TOGARAM2: variants seen among roughly 807,000 people sequenced by gnomAD.
The protein encoded by TOGARAM2 is TOG array regulator of axonemal microtubules protein 2.
In TOGARAM2, 85 loss-of-function variants were observed where a neutral mutation model predicts 93.3. The observed-to-expected ratio is 0.91, with a 90% CI of 0.76 to 1.09. The LOEUF is 1.09. Ranked by LOEUF, TOGARAM2 falls within the 50% of genes least tolerant of loss-of-function variation. The pLI, the probability that TOGARAM2 is intolerant of heterozygous loss-of-function variation, is 0.00. For missense variants in TOGARAM2, 1,277 were observed against 1,334.5 expected (o/e 0.96, Z 0.67); for synonymous variants, 593 against 552.8 (o/e 1.07, Z -1.02).
At chr2:29,015,448 C>G (rs777317342) in intron 8 of TOGARAM2, among the ~76,000 whole-genome samples, 2 of 152,220 alleles carry the variant, frequency 1.3e-5, no homozygotes, top group African/African-American at 4.8e-5. Flanking sequence ...AACACTTGTT[C>G]CCTCTCTGGC....
intron 1 of TOGARAM2, among the ~76,000 whole-genome samples, chr2:28,992,314 G>A (rs573051673): frequency 1.3e-5 from 2 of 152,252 alleles, no homozygotes; most frequent in Admixed American, 6.5e-5. Context: ...CCTCTTGGGC[G>A]GGCACCTAGG....
At chr2:29,044,498 C>T (rs1402039233) in intron 18 of TOGARAM2, among the ~76,000 whole-genome samples, 4 of 152,086 alleles carry the variant, frequency 2.6e-5, no homozygotes, top group Non-Finnish European at 4.4e-5. Flanking sequence ...CCTGGGTTCC[C>T]GGGACTCGGG....
intron 18 of TOGARAM2, among the ~76,000 whole-genome samples, chr2:29,037,644 C>T (rs1666199886): frequency 1.3e-5 from 2 of 152,034 alleles, no homozygotes; most frequent in African/African-American, 4.8e-5. Context: ...GGCACCGTGT[C>T]CTTGGCTGGA....
chr2:28,984,034 C>T (rs1362875702), intron 1 of TOGARAM2, among the ~76,000 whole-genome samples: 2 of 151,914 alleles, frequency 1.3e-5, no homozygotes, highest in East Asian at 3.9e-4. Context: ...TCTCTGCCCT[C>T]CCCACTCCTC....
At chr2:29,022,490 G>T (rs969492579) in intron 11 of TOGARAM2, among the ~76,000 whole-genome samples, 182 bp downstream of exon 11, 1 of 152,206 alleles carries the variant, frequency 6.6e-6, no homozygotes, top group Non-Finnish European at 1.5e-5. Flanking sequence ...GTGCGTGTGT[G>T]CATGAGTGTG....
chr2:28,999,552 G>C (rs758179597), intron 4 of TOGARAM2, 84 bp downstream of exon 4: 2 of 1,440,934 alleles, frequency 1.4e-6, no homozygotes, highest in South Asian at 1.5e-5. Flanking sequence ...GGGTCAGCAG[G>C]CTTCCAGGTG....
At chr2:28,964,123 A>T (rs1476283361) in intron 1 of TOGARAM2, among the ~76,000 whole-genome samples, 1 of 152,206 alleles carries the variant, frequency 6.6e-6, no homozygotes, top group Non-Finnish European at 1.5e-5. Context: ...TACTTCTCCC[A>T]TTAATTACTG....
chr2:29,007,419 C>T (rs1011001993), intron 6 of TOGARAM2, among the ~76,000 whole-genome samples: 1 of 152,068 alleles, frequency 6.6e-6, no homozygotes, highest in Non-Finnish European at 1.5e-5. Flanking sequence ...CATCTTTGAC[C>T]CTTGCTCCTA....
intron 17 of TOGARAM2, among the ~76,000 whole-genome samples, chr2:29,036,055 C>T (rs1165448927): frequency 6.6e-6 from 1 of 151,984 alleles, no homozygotes; most frequent in Non-Finnish European, 1.5e-5. Context: ...AGGCTGAACA[C>T]TCAGGTGGGT....
At chr2:29,026,279 G>A (rs1376725040) in intron 13 of TOGARAM2, among the ~76,000 whole-genome samples, 5 of 152,100 alleles carry the variant, frequency 3.3e-5, no homozygotes, top group Non-Finnish European at 7.4e-5. Flanking sequence ...CGTCATTATG[G>A]ATACAGCAGT....
At chr2:29,025,350 A>G (rs1036708999) in intron 13 of TOGARAM2, among the ~76,000 whole-genome samples, 1 of 152,124 alleles carries the variant, frequency 6.6e-6, no homozygotes, top group Non-Finnish European at 1.5e-5. Context: ...ACATTCACTG[A>G]GTGCTTACTG....
At chr2:29,004,364 A>G (rs1424170786) in intron 6 of TOGARAM2, among the ~76,000 whole-genome samples, 1 of 152,248 alleles carries the variant, frequency 6.6e-6, no homozygotes, top group Non-Finnish European at 1.5e-5. Context: ...GATGGATACT[A>G]AAAATACAAC....
chr2:28,989,132 C>T (rs1387281576), intron 1 of TOGARAM2, among the ~76,000 whole-genome samples: 1 of 152,190 alleles, frequency 6.6e-6, no homozygotes, highest in Non-Finnish European at 1.5e-5. Context: ...TCACTGCAAC[C>T]TCTGCCTCCC....
intron 18 of TOGARAM2, among the ~76,000 whole-genome samples, chr2:29,043,946 G>C (rs1666586926): frequency 1.3e-5 from 2 of 152,214 alleles, no homozygotes; most frequent in South Asian, 4.1e-4. Context: ...TGCTGCAGTC[G>C]ACTTCGGGAA....
intron 1 of TOGARAM2, among the ~76,000 whole-genome samples, chr2:28,986,981 T>A (rs1473422744): frequency 6.6e-6 from 1 of 152,202 alleles, no homozygotes; most frequent in East Asian, 1.9e-4. Flanking sequence ...TGATGGAATT[T>A]AACCCTGTTG....
upstream of TOGARAM2, among the ~76,000 whole-genome samples, chr2:28,976,704 C>T (rs117347845): frequency 1.3e-5 from 2 of 152,338 alleles, no homozygotes; most frequent in East Asian, 3.9e-4. Flanking sequence ...CCATCATCTG[C>T]GATAAGAGGG....
intron 6 of TOGARAM2, among the ~76,000 whole-genome samples, chr2:29,009,024 T>A (rs56412352): frequency 0.075 from 11,479 of 152,322 alleles, 514 homozygotes; most frequent in African/African-American, 0.12. Context: ...CTAAAAGCTG[T>A]TAAGCACCTA....
In TOGARAM2 at chr2:29,024,352, G is replaced by A. The variant is rs1433331235; in HGVS notation, c.1831G>A (p.Val611Ile). The change falls in exon 13 of 20, where the codon GTC (valine) becomes ATC (isoleucine). Residue 611 changes from valine to isoleucine, a missense_variant. Physicochemically the swap from Val to Ile is conservative, Grantham distance 29. Transcript: ENST00000379558. ...ENVTLARSLV[V>I]LTSAGVYHRN... ...TGTGACCCTTGCCCGCTCCCTGGTG[G>A]TCCTCACCTCGGCGGGTGTCTAGTA... 1.9e-6 allele frequency: 3 copies of A among 1,610,120 alleles called. No homozygotes were observed. Among genetic ancestry groups the A allele is most frequent in the East Asian group, 2.2e-5 (1 of 44,760 alleles).
rs79697846 is a variant in TOGARAM2 at position 29,029,938 on chromosome 2, A to G, written c.2012+2927A>G. ...GGAACCAACCACCACCTGTTCCCCA[A>G]TGACCTATGGAAATAAAAAATTAAA... On this transcript the variant is annotated intron_variant, in intron 14 of 19. Coordinates refer to ENST00000379558, the MANE Select transcript of TOGARAM2 (RefSeq NM_199280.4). Among the ~76,000 whole-genome samples, 535 of 152,254 alleles carry G rather than the reference A, an allele frequency of 3.5e-3. 26 individuals are homozygous for G. The East Asian group carries it at 0.085, about 24-fold the overall frequency.
Sources: allele counts gnomAD v4.1 joint callset (sites outside exome capture counted in the v4.1 genomes callset), GRCh38; gene constraint gnomAD v4.1.1; transcripts MANE v1.5; gene names NCBI Gene and HGNC (gene_info 2026-07-23, HGNC 2026-07-21).